The following TTC28 variants were observed in gnomAD, a reference collection of about 807,000 sequenced individuals.
The protein encoded by TTC28 is tetratricopeptide repeat protein 28.
Under a neutral mutation model 198.0 loss-of-function variants are expected in TTC28, and 61 were observed. The ratio of observed to expected loss-of-function variants is 0.31; its 90% CI spans 0.25 to 0.38. TTC28 has a LOEUF of 0.38. Ranked by LOEUF, TTC28 falls within the 10% of genes least tolerant of loss-of-function variation. The probability of loss-of-function intolerance (pLI) is 1.00; values close to 1 mark genes in which losing one functional copy is unlikely to be tolerated. For missense variants in TTC28, 2,678 were observed against 3,164.0 expected (o/e 0.85, Z 3.69); for synonymous variants, 1,171 against 1,297.8 (o/e 0.90, Z 2.10).
intron 6 of TTC28, among the ~76,000 whole-genome samples, chr22:28,161,881 GGAAGGGAT>G (rs1601406494): frequency 8.2e-6 from 1 of 121,602 alleles, no homozygotes; most frequent in Admixed American, 7.8e-5. Flanking sequence ...AAGGAAGGGA[GGAAGGGAT>G]GAAGGGAAGG....
chr22:28,567,479 C>CATACATATATATATATATATATATAT (rs751694635), intron 2 of TTC28, among the ~76,000 whole-genome samples: 1 of 51,144 alleles, frequency 2.0e-5, no homozygotes, highest in African/African-American at 7.0e-5. Flanking sequence ...TACATACATA[C>CATACATATATATATATATATATATAT]ATATATATAT....
In TTC28 at chr22:28,378,345, CAAAA is replaced by C. The variant is rs134525; in HGVS notation, c.382-71706_382-71703del. 7.9e-5 allele frequency among the ~76,000 whole-genome samples: 6 copies of C among 75,934 alleles called. No homozygotes were observed. The East Asian group carries it at 2.4e-3, about 31-fold the overall frequency. 49.8% of individuals were successfully genotyped at this position (75,934 alleles called of 152,430 possible). ...TAGGATACAGAGTGAGACTCTGTCT[CAAAA>C]AAAAAAAAAAAAAAGCTAAAAACCA... On this transcript the variant is annotated intron_variant, in intron 2 of 22. Coordinates refer to ENST00000397906, the MANE Select transcript of TTC28 (RefSeq NM_001145418.2).
intron 5 of TTC28, among the ~76,000 whole-genome samples, chr22:28,218,018 A>G (rs913363374): frequency 1.3e-5 from 2 of 152,212 alleles, no homozygotes; most frequent in Non-Finnish European, 2.9e-5. Flanking sequence ...GTTGAAATAT[A>G]TATTTTTAAA....
rs1483998158 is a variant in TTC28, at chr22:28,163,194, T to C, written c.1339A>G (p.Met447Val). Residue 447 changes from methionine (M) to valine (V), a missense_variant, in exon 6 of 23, where the codon ATG becomes GTG. Met to Val is a conservative substitution (Grantham distance 21). Transcript: ENST00000397906. Reference sequence around the variant, plus strand: ...TGTTTAGCTCTCTCCAAATCCTGCATGCACCTGGCAGCATGGCCTAGTCCA... The same window carrying C: ...TGTTTAGCTCTCTCCAAATCCTGCACGCACCTGGCAGCATGGCCTAGTCCA... ...YAGLGHAARC[M>V]QDLERAKQYH... The C allele has an allele frequency of 6.4e-7, 1 of 1,551,784 alleles. No individual in the cohort carries two copies. Among genetic ancestry groups the C allele is most frequent in the Non-Finnish European group, 8.7e-7 (1 of 1,147,018 alleles).
At chr22:28,063,248 C>T (rs575619704) in intron 12 of TTC28, among the ~76,000 whole-genome samples, 1 of 152,296 alleles carries the variant, frequency 6.6e-6, no homozygotes, top group South Asian at 2.1e-4. Flanking sequence ...CTAGGTCTTT[C>T]CATTCCAAGA....
chr22:28,621,341 A>G (rs75072387), intron 2 of TTC28, among the ~76,000 whole-genome samples: 3,024 of 152,306 alleles, frequency 0.02, 31 homozygotes, highest in Non-Finnish European at 0.027. Flanking sequence ...GAATGAAACT[A>G]TAAGAACCTG....
intron 2 of TTC28, among the ~76,000 whole-genome samples, chr22:28,462,795 A>G (rs2047967585): frequency 6.6e-6 from 1 of 152,172 alleles, no homozygotes. Flanking sequence ...AATCACCTAG[A>G]TGGCTTATTA....
intron 5 of TTC28, among the ~76,000 whole-genome samples, chr22:28,289,553 T>C (rs931820764): frequency 1.3e-5 from 2 of 152,068 alleles, no homozygotes; most frequent in African/African-American, 4.8e-5. Context: ...GACAACCTAT[T>C]AAGCTATGCA....
rs181297815 is a variant in TTC28 at position 28,025,192 on chromosome 22, C to T, written c.4073+5034G>A. On this transcript the variant is annotated intron_variant, in intron 13 of 22. Transcript: ENST00000397906. ...TTGGTGGAGATTTGATCTTTTGGAT[C>T]TTTTGAGTGGTTGATTCACCCCTCA... 9.9e-4 allele frequency among the ~76,000 whole-genome samples: 150 copies of T among 152,238 alleles called. 1 individual carries two copies. Among genetic ancestry groups the T allele is most frequent in the African/African-American group, 3.4e-3 (143 of 41,540 alleles).
intron 2 of TTC28, among the ~76,000 whole-genome samples, chr22:28,397,193 A>C (rs2046831914): frequency 6.6e-6 from 1 of 152,268 alleles, no homozygotes; most frequent in Non-Finnish European, 1.5e-5. Flanking sequence ...AGTAAGATAA[A>C]GAGACAAGGG....
chr22:28,263,017 C>T (rs761532009), intron 5 of TTC28, among the ~76,000 whole-genome samples: 2 of 151,958 alleles, frequency 1.3e-5, no homozygotes, highest in African/African-American at 4.8e-5. Context: ...ACCAAGCAAG[C>T]CAAGAAGGCA....
At chr22:28,188,793 C>T (rs1049256886) in intron 5 of TTC28, among the ~76,000 whole-genome samples, 7 of 152,136 alleles carry the variant, frequency 4.6e-5, no homozygotes, top group Admixed American at 1.3e-4. Context: ...AAGGTGTGCA[C>T]AGACTAACAT....
In TTC28 at chr22:28,001,528, A is replaced by T. The variant is rs754951782; in HGVS notation, c.4244T>A (p.Val1415Glu). 2 of 1,551,134 alleles carry T rather than the reference A, an allele frequency of 1.3e-6. No homozygotes were observed. Among genetic ancestry groups the T allele is most frequent in the Non-Finnish European group, 1.7e-6 (2 of 1,146,868 alleles). ...EGGLMHSSGP[V>E]GRHRQLILVL... ...CAGGATGAGCTGCCGGTGCCGGCCCACGGGGCCGCTGGAGTGCATCAGGCC... is the reference window on the plus strand; with the variant it reads ...CAGGATGAGCTGCCGGTGCCGGCCCTCGGGGCCGCTGGAGTGCATCAGGCC... The change falls in exon 15 of 23, where the codon GTG becomes GAG. Residue 1415 changes from valine to glutamate, a missense_variant. Val to Glu is a moderately radical substitution (Grantham distance 121). Around this residue, in one of 8 missense-constraint regions of TTC28, gnomAD observed 727 missense variants for 861.9 expected, o/e 0.84. Transcript: ENST00000397906.
rs777723155 is a variant in TTC28 at position 27,982,135 on chromosome 22, G to A, written c.*86C>T. ...GCATCATGAGGGTGCTGGTGGCTGT[G>A]GGGGGACTGCACTCAGGGAAGGGCT... On this transcript the variant is annotated 3_prime_UTR_variant, in exon 23 of 23. Coordinates refer to ENST00000397906, the MANE Select transcript of TTC28 (RefSeq NM_001145418.2). This position sits in a 1 kb window ranked among gnomAD's most constrained non-coding sequence, Gnocchi z 5.2. 2.3e-6 allele frequency: 3 copies of A among 1,328,564 alleles called. No homozygotes were observed. Among genetic ancestry groups the A allele is most frequent in the East Asian group, 2.6e-5 (1 of 39,128 alleles). 82.3% of individuals were successfully genotyped at this position (1,328,564 alleles called of 1,614,324 possible).
chr22:28,633,426 C>T (rs975255895), intron 1 of TTC28, among the ~76,000 whole-genome samples: 1 of 151,804 alleles, frequency 6.6e-6, no homozygotes, highest in African/African-American at 2.4e-5. Context: ...CCCGGGAGTT[C>T]AAGACCAGCC....
At chr22:28,023,188 G>T (rs1938681908) in intron 13 of TTC28, among the ~76,000 whole-genome samples, 1 of 152,252 alleles carries the variant, frequency 6.6e-6, no homozygotes, top group African/African-American at 2.4e-5. Context: ...TATGGCACAT[G>T]CCTCCACCAA....
chr22:28,360,035 T>C (rs1294318981), intron 2 of TTC28, among the ~76,000 whole-genome samples: 4 of 149,744 alleles, frequency 2.7e-5, no homozygotes. Context: ...CAAGATGACA[T>C]AGAGCTTGCA....
At chr22:28,352,808 T>C (rs1222526698) in intron 2 of TTC28, among the ~76,000 whole-genome samples, 1 of 152,088 alleles carries the variant, frequency 6.6e-6, no homozygotes, top group Non-Finnish European at 1.5e-5. Context: ...GAGTTAGATA[T>C]AATTTAACAG....
chr22:28,065,643 G>A (rs573469579), intron 12 of TTC28, among the ~76,000 whole-genome samples: 58 of 152,276 alleles, frequency 3.8e-4, no homozygotes, highest in Non-Finnish European at 6.6e-4. Flanking sequence ...ACAGCCTCAG[G>A]TGCCCTTCAG....
Sources: gnomAD v4.1 joint callset for allele counts (sites outside exome capture counted in the v4.1 genomes callset) on GRCh38, gnomAD v4.1.1 for gene constraint, gnomAD v4.1.1 regional missense constraint, Gnocchi (gnomAD v3.1) non-coding constraint, MANE v1.5 for transcripts, NCBI Gene and HGNC (gene_info 2026-07-23, HGNC 2026-07-21) for gene names.